Variants in CSMD1 observed in about 807,000 individuals in gnomAD.
The protein encoded by CSMD1 is CUB and Sushi multiple domains 1, also known as CUB and sushi domain-containing protein 1.
In CSMD1, 213 loss-of-function variants were observed where a neutral mutation model predicts 417.5. That is an observed-to-expected ratio of 0.51 (90% CI 0.46 to 0.57). The LOEUF is 0.57. CSMD1 is among the 20% of genes least tolerant of loss of function. The pLI is 0.00. For missense variants in CSMD1, 6,923 were observed against 4,529.7 expected (o/e 1.53, Z -15.17); for synonymous variants, 2,862 against 1,736.8 (o/e 1.65, Z -16.11).
intron 5 of CSMD1, among the ~76,000 whole-genome samples, chr8:3,934,285 G>C (rs1563227234): frequency 6.6e-6 from 1 of 152,034 alleles, no homozygotes; most frequent in African/African-American, 2.4e-5. Flanking sequence ...AATTTAATCT[G>C]AACCAAAGTG....
At chr8:4,771,764 G>A (rs1796608886) in intron 1 of CSMD1, among the ~76,000 whole-genome samples, 1 of 152,174 alleles carries the variant, frequency 6.6e-6, no homozygotes, top group African/African-American at 2.4e-5. Flanking sequence ...TCATTTCACA[G>A]CGCAAGTTGT....
chr8:4,787,887 T>A (rs1797492306), intron 1 of CSMD1: 1 of 1,580,522 alleles, frequency 6.3e-7, no homozygotes, highest in Non-Finnish European at 8.7e-7. Flanking sequence ...ATATGAAGAT[T>A]GAATTTGGTG....
intron 2 of CSMD1, among the ~76,000 whole-genome samples, chr8:4,479,929 G>C (rs964190945): frequency 6.7e-6 from 1 of 150,064 alleles, no homozygotes; most frequent in Non-Finnish European, 1.5e-5. Context: ...TGGAGCCACT[G>C]CATTCCAGCC....
chr8:4,463,709 G>A (rs907802259), intron 2 of CSMD1, among the ~76,000 whole-genome samples: 3 of 152,154 alleles, frequency 2.0e-5, no homozygotes, highest in African/African-American at 2.4e-5. Context: ...AATCCCTAGA[G>A]ACGAAAATAA....
intron 7 of CSMD1, among the ~76,000 whole-genome samples, chr8:3,644,966 GAAAA>G (rs71203456): frequency 3.3e-4 from 21 of 64,522 alleles, no homozygotes; most frequent in African/African-American, 1.5e-3. Flanking sequence ...GGCTTTAAAT[GAAAA>G]AAAAAAAAAA....
chr8:4,878,139 G>C (rs575613164), intron 1 of CSMD1, among the ~76,000 whole-genome samples: 1 of 152,096 alleles, frequency 6.6e-6, no homozygotes, highest in Non-Finnish European at 1.5e-5. Context: ...CTCAGAAGTG[G>C]AGTCTAAGAA....
intron 3 of CSMD1, among the ~76,000 whole-genome samples, chr8:4,155,937 G>T (rs924224668): frequency 6.6e-5 from 10 of 152,120 alleles, no homozygotes; most frequent in African/African-American, 2.4e-4. Flanking sequence ...CAGCCCAGGT[G>T]TTCTGCAGCT....
rs182184340 is a variant in CSMD1, at chr8:4,001,453, G to A, written c.611-3343C>T. Among the ~76,000 whole-genome samples the A allele has an allele frequency of 5.9e-5, 9 of 152,234 alleles. No homozygotes were observed. In the East Asian group the frequency reaches 9.7e-4, roughly 16 times the overall value. Reference sequence around the variant, plus strand: ...TCCGGGTAGTGGATATGAGTTAACTGGTAAAAGAGGGTTCTTTTTTATTTT... The same window carrying A: ...TCCGGGTAGTGGATATGAGTTAACTAGTAAAAGAGGGTTCTTTTTTATTTT... On this transcript the variant is annotated intron_variant, in intron 4 of 69. Coordinates refer to ENST00000635120, the MANE Select transcript of CSMD1 (RefSeq NM_033225.6).
At chr8:4,135,440 C>T (rs1044159650) in intron 3 of CSMD1, among the ~76,000 whole-genome samples, 8 of 149,718 alleles carry the variant, frequency 5.3e-5, no homozygotes, top group South Asian at 4.2e-4. Flanking sequence ...GAGGGAAGGA[C>T]GGAAATTATC....
At chr8:3,450,251 G>A (rs992709835) in intron 12 of CSMD1, among the ~76,000 whole-genome samples, 5 of 151,940 alleles carry the variant, frequency 3.3e-5, no homozygotes, top group East Asian at 1.9e-4. Context: ...TCTCTGTCAT[G>A]ACCTAATCAG....
rs137931251 is a variant in CSMD1 at position 4,298,216 on chromosome 8, C to T, written c.415+121737G>A. On this transcript the variant is annotated intron_variant, in intron 3 of 69. Transcript: ENST00000635120. The stretch of plus-strand genomic sequence containing the variant: ...GTTAAATGAAGTTTCCAAAATAATG[C>T]CAATCTTTGCTTCCTGTTTCTGCAA... Among the ~76,000 whole-genome samples, 280 of 152,194 alleles carry T rather than the reference C, an allele frequency of 1.8e-3. 2 individuals carry two copies. The highest frequency in any genetic ancestry group is 6.4e-3 in the African/African-American group (266 of 41,558).
intron 8 of CSMD1, among the ~76,000 whole-genome samples, chr8:3,600,391 T>A (rs1801305521): frequency 6.6e-6 from 1 of 152,312 alleles, no homozygotes; most frequent in Non-Finnish European, 1.5e-5. Context: ...AGCTACTCTA[T>A]TTCCCCTAGA....
rs570066314 is a variant in CSMD1, at chr8:4,931,804, A to G, written c.85+62528T>C. ...GGTGAGGCTCAGAAAGACATTTGCA[A>G]ACATTTTAGCTTGTTAAGAGTTTTA... On this transcript the variant is annotated intron_variant, in intron 1 of 69. Coordinates refer to ENST00000635120, the MANE Select transcript of CSMD1 (RefSeq NM_033225.6). Among the ~76,000 whole-genome samples, 6 of 152,336 alleles carry G rather than the reference A, an allele frequency of 3.9e-5. No homozygotes were observed. The South Asian group carries it at 1.2e-3, about 32-fold the overall frequency.
chr8:3,177,436 G>T (rs1294561030), intron 37 of CSMD1, among the ~76,000 whole-genome samples: 1 of 152,156 alleles, frequency 6.6e-6, no homozygotes, highest in East Asian at 1.9e-4. Flanking sequence ...CACTGCAGGG[G>T]TGCAGCAAAA....
chr8:3,188,451 C>T (rs117861481), intron 35 of CSMD1, among the ~76,000 whole-genome samples: 1,589 of 151,300 alleles, frequency 0.011, 14 homozygotes, highest in Non-Finnish European at 0.018. Context: ...GGATTACAGG[C>T]GTATACTACC....
At chr8:3,968,215 T>TA (rs1012995081) in intron 5 of CSMD1, among the ~76,000 whole-genome samples, 3 of 151,224 alleles carry the variant, frequency 2.0e-5, no homozygotes, top group African/African-American at 7.3e-5. Context: ...TAATAAATAA[T>TA]AAAAAACAAT....
At chr8:3,717,028 T>G (rs1162542446) in intron 6 of CSMD1, among the ~76,000 whole-genome samples, 1 of 152,140 alleles carries the variant, frequency 6.6e-6, no homozygotes, top group African/African-American at 2.4e-5. Flanking sequence ...GTCACAAAGC[T>G]TGAAATGGTA....
At chr8:4,414,727 T>G (rs1352588127) in intron 3 of CSMD1, among the ~76,000 whole-genome samples, 1 of 152,134 alleles carries the variant, frequency 6.6e-6, no homozygotes, top group African/African-American at 2.4e-5. Context: ...CTAGAAAAAG[T>G]TAAGTTGTGG....
chr8:4,567,932 T>C (rs2130642095), intron 2 of CSMD1, among the ~76,000 whole-genome samples: 1 of 152,324 alleles, frequency 6.6e-6, no homozygotes, highest in South Asian at 2.1e-4. Context: ...AAATTGCACT[T>C]TCTGTCCACG....
Sources: gnomAD v4.1 joint callset for allele counts (sites outside exome capture counted in the v4.1 genomes callset) on GRCh38, gnomAD v4.1.1 for gene constraint, MANE v1.5 for transcripts, NCBI Gene and HGNC (gene_info 2026-07-23, HGNC 2026-07-21) for gene names.